KRT83: variants seen among roughly 807,000 people sequenced by gnomAD.
KRT83 encodes keratin 83.
In KRT83, 51 loss-of-function variants were observed where a neutral mutation model predicts 52.9. The ratio of observed to expected loss-of-function variants is 0.96; its 90% CI spans 0.77 to 1.22. The LOEUF is 1.22. KRT83 is among the 50% of genes most tolerant of loss of function. The pLI is 0.00. For synonymous variants in KRT83, 278 were observed against 274.1 expected (o/e 1.01, Z -0.14); for missense variants, 654 against 666.5 (o/e 0.98, Z 0.21).
At chr12:52,316,256 T>G in intron 6 of KRT83, 143 bp from the exon 7 acceptor site, 1 of 930,020 alleles carries the variant, frequency 1.1e-6, no homozygotes, top group Non-Finnish European at 1.5e-6. Context: ...CCTCCTCACT[T>G]ACACTACACA....
rs140443749 is a variant in KRT83 at position 52,319,235 on chromosome 12, C to T, written c.514G>A (p.Glu172Lys). 6.7e-5 allele frequency: 108 copies of T among 1,613,826 alleles called. No homozygotes were observed. Among genetic ancestry groups the T allele is most frequent in the South Asian group, 2.1e-4 (19 of 91,064 alleles). The change falls in exon 2 of 9, where the codon GAG (glutamate) becomes AAG (lysine). Residue 172 changes from glutamate to lysine, a missense_variant. By Grantham distance (56) the Glu-to-Lys change is moderately conservative. Coordinates refer to ENST00000293670, the MANE Select transcript of KRT83 (RefSeq NM_002282.3). The stretch of plus-strand genomic sequence containing the variant: ...CTCCCACTGTCAGCCTCCACGCACT[C>T]GGCCTCCCGCCGCAGAGTCTCGATG... Reference protein sequence around the residue: ...GYIETLRREAECVEADSGRLA... With the variant: ...GYIETLRREAKCVEADSGRLA...
At chr12:52,317,099 T>A in intron 4 of KRT83, 76 bp from the exon 5 acceptor site, 1 of 1,597,402 alleles carries the variant, frequency 6.3e-7, no homozygotes, top group Non-Finnish European at 8.6e-7. Flanking sequence ...ATCATCCTTT[T>A]GGCTCATCGG....
At position 52,316,949 on chromosome 12, in the gene KRT83, G is replaced by A. The variant is rs1245093925; in HGVS notation, c.825C>T (p.Asn275=). ...TGATCTCGGCAACGATGCAGTCCAT[G>A]TTCAGGTCCCGGCTGTTGTCCAGCT... is the stretch of plus-strand genomic sequence containing the variant. ...VVKLDNSRDL[N]MDCIVAEIKA... Residue 275 remains asparagine (N), a synonymous_variant, in exon 5 of 9, where the codon AAC becomes AAT. Transcript: ENST00000293670. 1.9e-6 allele frequency: 3 copies of A among 1,614,084 alleles called. No homozygotes were observed. Among genetic ancestry groups the A allele is most frequent in the Admixed American group, 1.7e-5 (1 of 60,006 alleles).
chr12:52,316,822 T>G, intron 5 of KRT83, 37 bp downstream of exon 5: 3 of 1,614,066 alleles, frequency 1.9e-6, no homozygotes, highest in South Asian at 2.2e-5. Context: ...TCCCTCCCAC[T>G]GCCATGTCTA....
intron 1 of KRT83, among the ~76,000 whole-genome samples, chr12:52,319,612 T>C (rs1938741030): frequency 6.6e-6 from 1 of 152,194 alleles, no homozygotes; most frequent in African/African-American, 2.4e-5. Context: ...AGAGTCCAGA[T>C]TCTGCTGCCA....
chr12:52,315,265 C>T (rs781156149), intron 8 of KRT83, 47 bp downstream of exon 8: 4 of 1,590,612 alleles, frequency 2.5e-6, no homozygotes, highest in Non-Finnish European at 3.5e-6. Context: ...TCAAGAAGTC[C>T]TTTGTCCCCA....
Position 52,321,108 on chromosome 12 carries a change from G to T in KRT83, c.228C>A (p.Cys76Ter). 1.2e-6 allele frequency: 2 copies of T among 1,612,304 alleles called. No homozygotes were observed. The highest frequency in any genetic ancestry group is 1.7e-6 in the Non-Finnish European group (2 of 1,179,898). The stretch of plus-strand genomic sequence containing the variant: ...TGGTGATGCATGGGGGGCTGGGTCC[G>T]CACACGCCCCCGGAGCGGTAGCCGA... ...RSFGYRSGGV[C>*]GPSPPCITTV... Residue 76 changes from cysteine to a stop codon, truncating the protein, a stop_gained, in exon 1 of 9, where the codon TGC (cysteine) becomes TGA (stop). Transcript: ENST00000293670. LOFTEE classifies it high-confidence loss of function.
At chr12:52,319,510 C>A in intron 1 of KRT83, 146 bp from the exon 2 acceptor site, 2 of 1,180,306 alleles carry the variant, frequency 1.7e-6, no homozygotes, top group Non-Finnish European at 2.5e-6. Flanking sequence ...TCAAAAATGC[C>A]ACCAGGGCTT....
In KRT83 at chr12:52,321,027, G is replaced by T; in HGVS notation, c.309C>A (p.Asn103Lys). Residue 103 changes from asparagine (N) to lysine (K), a missense_variant, in exon 1 of 9, where the codon AAC becomes AAA. Coordinates refer to ENST00000293670, the MANE Select transcript of KRT83 (RefSeq NM_002282.3). ...TCTCCTCCTGCTTCACGCACTGCGCGTTGGGGTCTATCTCCAGGTTGAGGG... is the reference window on the plus strand; with the variant it reads ...TCTCCTCCTGCTTCACGCACTGCGCTTTGGGGTCTATCTCCAGGTTGAGGG... ...LTPLNLEIDP[N>K]AQCVKQEEKE... is the part of the protein sequence containing the mutation. 1.2e-6 allele frequency: 2 copies of T among 1,613,182 alleles called. No individual in the cohort carries two copies. Among genetic ancestry groups the T allele is most frequent in the South Asian group, 1.1e-5 (1 of 91,034 alleles).
Position 52,319,402 on chromosome 12 carries a change from C to T in KRT83, c.385-38G>A, listed in dbSNP as rs756995028. 7.5e-6 allele frequency: 12 copies of T among 1,600,456 alleles called. 1 individual carries two copies. The South Asian group carries it at 1.2e-4, about 16-fold the overall frequency. Reference sequence around the variant, plus strand: ...GGCAGAGCCTAAGAACCTCTTCTTGCAGCATCAGAGGACAAAGAGGGGTTC... The same window carrying T: ...GGCAGAGCCTAAGAACCTCTTCTTGTAGCATCAGAGGACAAAGAGGGGTTC... On this transcript the variant is annotated intron_variant, in intron 1 of 8. Coordinates refer to ENST00000293670, the MANE Select transcript of KRT83 (RefSeq NM_002282.3).
At position 52,316,867 on chromosome 12, in the gene KRT83, G is replaced by A. The variant is rs144951378; in HGVS notation, c.907C>T (p.Arg303Cys). 3.7e-5 allele frequency: 59 copies of A among 1,613,964 alleles called. No individual in the cohort carries two copies. The East Asian group carries it at 3.8e-4, about 10-fold the overall frequency. Residue 303 changes from arginine to cysteine, a missense_variant, in exon 5 of 9, where the codon CGC becomes TGC. Arg to Cys is a radical substitution (Grantham distance 180). Coordinates refer to ENST00000293670, the MANE Select transcript of KRT83 (RefSeq NM_002282.3). ...TGTCCTGTGCCGCTCACCTTGCTGC[G>A]ATACCAGGACTCGGCCTCAGCCCGG... The part of the protein sequence containing the change: ...RSRAEAESWY[R>C]SKCEEMKATV...
At chr12:52,319,910 C>T (rs1350051207) in intron 1 of KRT83, among the ~76,000 whole-genome samples, 1 of 152,158 alleles carries the variant, frequency 6.6e-6, no homozygotes, top group South Asian at 2.1e-4. Context: ...GCTCCAACCC[C>T]CTTATTTTAC....
In KRT83 at chr12:52,320,879, C is replaced by G. The variant is rs372359403; in HGVS notation, c.384+73G>C. 6.2e-6 allele frequency: 10 copies of G among 1,612,934 alleles called. No homozygotes were observed. The African/African-American group carries it at 1.3e-4, about 22-fold the overall frequency. ...TGGGCAAGTTCTTGCCTTTGACTTC[C>G]CTGTCAGTGCCCAGCCTGAGTTCTG... On this transcript the variant is annotated intron_variant, in intron 1 of 8. Coordinates refer to ENST00000293670, the MANE Select transcript of KRT83 (RefSeq NM_002282.3).
rs753256333 is a variant in KRT83 at position 52,316,488 on chromosome 12, C to T, written c.1021G>A (p.Val341Met). 3.7e-6 allele frequency: 6 copies of T among 1,614,152 alleles called. No homozygotes were observed. Among genetic ancestry groups the T allele is most frequent in the Middle Eastern group, 1.6e-4 (1 of 6,062 alleles). ...NRMIQRLTAE[V>M]ENAKCQNSKL... ...GGTACCTGGCACTTGGCATTCTCCA[C>T]CTCGGCTGTCAGCCTCTGGATCATG... The change falls in exon 6 of 9, where the codon GTG (valine) becomes ATG (methionine). Residue 341 changes from valine (V) to methionine (M), a missense_variant. Transcript: ENST00000293670.
rs376391383 is a variant in KRT83, at chr12:52,320,955, G to A, written c.381C>T (p.Asp127=). The A allele has an allele frequency of 4.0e-5, 65 of 1,613,734 alleles. No individual in the cohort carries two copies. Among genetic ancestry groups the A allele is most frequent in the Non-Finnish European group, 5.0e-5 (59 of 1,179,882 alleles). ...SLNSRFAAFI[D]KVRFLEQQNK... is the part of the protein sequence containing the mutation. ...TGTGATCCAGGACGACACCCACCTT[G>A]TCGATGAAGGCCGCGAATCTGCTGT... is the stretch of plus-strand genomic sequence containing the variant. The change falls in exon 1 of 9, where the codon GAC becomes GAT. Residue 127 remains aspartate (D), a synonymous_variant. Coordinates refer to ENST00000293670, the MANE Select transcript of KRT83 (RefSeq NM_002282.3).
intron 2 of KRT83, 148 bp from the exon 3 acceptor site, chr12:52,318,118 T>A: frequency 1.3e-6 from 1 of 768,062 alleles, no homozygotes; most frequent in African/African-American, 1.7e-5. Context: ...GGAACCAGGC[T>A]GCTGGCCTGG....
rs748930934 is a variant in KRT83 at position 52,314,704 on chromosome 12, G to A, written c.1409C>T (p.Thr470Ile). Residue 470 changes from threonine (T) to isoleucine (I), a missense_variant, in exon 9 of 9, where the codon ACT becomes ATT. Physicochemically the swap from Thr to Ile is moderately conservative, Grantham distance 89. Coordinates refer to ENST00000293670, the MANE Select transcript of KRT83 (RefSeq NM_002282.3). ...CTGGCCACAGGGCTTGCACAAACCA[G>A]TGCTCACCACCAGGTTCCCGTTGCA... ...APCNGNLVVS[T>I]GLCKPCGQLN... 4.4e-6 allele frequency: 7 copies of A among 1,585,676 alleles called. No individual in the cohort carries two copies. The highest frequency in any genetic ancestry group is 5.1e-6 in the Non-Finnish European group (6 of 1,166,108).
At chr12:52,315,758 A>G (rs1938676400) in intron 7 of KRT83, 135 bp downstream of exon 7, 30 of 1,281,568 alleles carry the variant, frequency 2.3e-5, no homozygotes, top group Non-Finnish European at 2.9e-5. Context: ...AGAGTTGAGA[A>G]TGAGACAACT....
intron 2 of KRT83, 92 bp downstream of exon 2, chr12:52,319,064 A>C: frequency 6.3e-7 from 1 of 1,584,152 alleles, no homozygotes; most frequent in Non-Finnish European, 8.7e-7. Flanking sequence ...TCTCAGGCAG[A>C]GATGCCAGCT....
Sources: gnomAD v4.1 joint callset for allele counts (sites outside exome capture counted in the v4.1 genomes callset) on GRCh38, gnomAD v4.1.1 for gene constraint, MANE v1.5 for transcripts, NCBI Gene and HGNC (gene_info 2026-07-23, HGNC 2026-07-21) for gene names.